CRAMP1: variants seen among roughly 807,000 people sequenced by gnomAD.
CRAMP1 encodes cramped chromatin regulator 1, also known as protein cramped-like.
Under a neutral mutation model 115.4 loss-of-function variants are expected in CRAMP1, and 50 were observed. The ratio of observed to expected loss-of-function variants is 0.43; its 90% CI spans 0.35 to 0.55. CRAMP1 has a LOEUF of 0.55. Ranked by LOEUF, CRAMP1 falls within the 20% of genes least tolerant of loss-of-function variation. CRAMP1 has a pLI of 0.01. For synonymous variants in CRAMP1, 866 were observed against 745.4 expected (o/e 1.16, Z -2.64); for missense variants, 1,679 against 1,721.7 (o/e 0.98, Z 0.44).
intron 7 of CRAMP1, 37 bp downstream of exon 7, chr16:1,652,618 G>GC: frequency 6.6e-7 from 1 of 1,526,580 alleles, no homozygotes; most frequent in Non-Finnish European, 8.9e-7. Flanking sequence ...CAGAGGCGGT[G>GC]CCCATGGTGT....
rs2036931726 is a variant in CRAMP1, at chr16:1,672,687, T to G, written c.3646-1194T>G. On this transcript the variant is annotated intron_variant, in intron 20 of 20. Coordinates refer to ENST00000397412, the MANE Select transcript of CRAMP1 (RefSeq NM_020825.4). The surrounding 1 kb of genome is among the most constrained non-coding windows in gnomAD (Gnocchi z 4.9). ...TGTCATGCAGTTCATTAAGGGATAT[T>G]TCTGCAGGGTCTGCTGTGTGCAAAC... is the stretch of plus-strand genomic sequence containing the variant. 6.6e-6 allele frequency among the ~76,000 whole-genome samples: 1 copy of G among 152,216 alleles called. No homozygotes were observed. The highest frequency in any genetic ancestry group is 2.4e-5 in the African/African-American group (1 of 41,454).
chr16:1,642,649 C>A (rs1348101309), intron 6 of CRAMP1, among the ~76,000 whole-genome samples: 1 of 152,250 alleles, frequency 6.6e-6, no homozygotes, highest in East Asian at 1.9e-4. Context: ...ATTGGAGGAA[C>A]CGTCTTGAGA....
In CRAMP1 at chr16:1,637,806, T is replaced by G. The variant is rs2036600700; in HGVS notation, c.695-18T>G. On this transcript the variant is annotated intron_variant, in intron 4 of 20. Coordinates refer to ENST00000397412, the MANE Select transcript of CRAMP1 (RefSeq NM_020825.4). ...TCCTGTTCCCCTCTCTAAAGCCGCC[T>G]TCTCTTCTGTTTCTCAGTGTTCTCT... The G allele has an allele frequency of 7.0e-7, 1 of 1,435,186 alleles. No individual in the cohort carries two copies. Among genetic ancestry groups the G allele is most frequent in the South Asian group, 1.4e-5 (1 of 70,778 alleles). 88.9% of individuals were successfully genotyped at this position (1,435,186 alleles called of 1,614,324 possible).
intron 5 of CRAMP1, among the ~76,000 whole-genome samples, chr16:1,639,870 T>C (rs892432582): frequency 3.3e-5 from 5 of 152,216 alleles, no homozygotes; most frequent in Non-Finnish European, 5.9e-5. Flanking sequence ...TGAATTGGCC[T>C]TAGGTTCCCT....
chr16:1,625,756 A>G, intron 2 of CRAMP1: 1 of 494,620 alleles, frequency 2.0e-6, no homozygotes, highest in Non-Finnish European at 3.6e-6. Context: ...TTCTAACTGT[A>G]AAAACATTTG....
chr16:1,615,654 G>A (rs1467163098), intron 2 of CRAMP1, among the ~76,000 whole-genome samples: 2 of 152,206 alleles, frequency 1.3e-5, no homozygotes, highest in Non-Finnish European at 2.9e-5. Flanking sequence ...TACTTAGCTG[G>A]GGTCTCTTAC....
intron 2 of CRAMP1, among the ~76,000 whole-genome samples, chr16:1,625,422 G>T (rs924451878): frequency 2.6e-5 from 4 of 152,008 alleles, no homozygotes; most frequent in African/African-American, 9.7e-5. Context: ...ACGTTTTTTT[G>T]GTGGACATTG....
Position 1,614,229 on chromosome 16 carries a change from C to G in CRAMP1, c.-1-410C>G, listed in dbSNP as rs1236620968. Among the ~76,000 whole-genome samples the G allele has an allele frequency of 6.8e-6, 1 of 146,180 alleles. No individual in the cohort carries two copies. The highest frequency in any genetic ancestry group is 1.5e-5 in the Non-Finnish European group (1 of 65,822). ...GCCAGGCCATGAGCCGCGGCCCCGC[C>G]GGGTAGGTGGCTGTGGGCGGGGCAG... On this transcript the variant is annotated intron_variant, in intron 1 of 20. Transcript: ENST00000397412. This position sits in a 1 kb window ranked among gnomAD's most constrained non-coding sequence, Gnocchi z 4.4.
rs1596496707 is a variant in CRAMP1, at chr16:1,662,584, C to T, written c.2508C>T (p.Thr836=). 1.2e-6 allele frequency: 2 copies of T among 1,614,012 alleles called. No individual in the cohort carries two copies. The highest frequency in any genetic ancestry group is 2.7e-5 in the African/African-American group (2 of 75,050). ...SDGGLFAVPT[T]LPPNSRHGKL... is the part of the protein sequence containing the mutation. ...GAGGCCTTTTTGCTGTCCCGACAACCTTGCCACCCAACAGCCGACACGGGA... is the reference window on the plus strand; with the variant it reads ...GAGGCCTTTTTGCTGTCCCGACAACTTTGCCACCCAACAGCCGACACGGGA... Residue 836 remains threonine (T), a synonymous_variant, in exon 12 of 21, where the codon ACC becomes ACT. Coordinates refer to ENST00000397412, the MANE Select transcript of CRAMP1 (RefSeq NM_020825.4).
chr16:1,655,329 C>T (rs1596493585), intron 9 of CRAMP1, 29 bp downstream of exon 9: 1 of 1,575,390 alleles, frequency 6.3e-7, no homozygotes, highest in Non-Finnish European at 8.7e-7. Flanking sequence ...AGCAAACCAT[C>T]CAGGCTGCGC....
At chr16:1,634,996 T>C (rs930638751) in intron 4 of CRAMP1, among the ~76,000 whole-genome samples, 1 of 152,162 alleles carries the variant, frequency 6.6e-6, no homozygotes, top group Non-Finnish European at 1.5e-5. Context: ...TCTCCCAGTT[T>C]CAAGCGATTC....
intron 11 of CRAMP1, among the ~76,000 whole-genome samples, chr16:1,661,237 A>G (rs562878038): frequency 6.1e-4 from 93 of 152,222 alleles, no homozygotes; most frequent in South Asian, 8.3e-4. Context: ...TGGGAGGATC[A>G]CTTGAACCCA....
intron 3 of CRAMP1, among the ~76,000 whole-genome samples, chr16:1,631,540 C>T (rs1033166812): frequency 1.3e-5 from 2 of 152,178 alleles, no homozygotes; most frequent in South Asian, 2.1e-4. Flanking sequence ...TGAGCCCTTC[C>T]AGTACTTAGG....
chr16:1,630,656 C>CCGCACTCGGCTGCCCAAACTCCCCG (rs1485357024), intron 3 of CRAMP1, among the ~76,000 whole-genome samples: 1 of 152,198 alleles, frequency 6.6e-6, no homozygotes, highest in Admixed American at 6.5e-5. Context: ...GGACGCTGCG[C>CCGCACTCGGCTGCCCAAACTCCCCG]CGCACTCGGC....
Position 1,653,005 on chromosome 16 carries a change from A to G in CRAMP1, c.914-28A>G, listed in dbSNP as rs773086886. On this transcript the variant is annotated intron_variant, in intron 7 of 20. Coordinates refer to ENST00000397412, the MANE Select transcript of CRAMP1 (RefSeq NM_020825.4). ...TTCTACCTTAAGGTTGGGCTGCACTAAACTTTCATGGTTCTTCTGCATTGC... is the reference window on the plus strand; with the variant it reads ...TTCTACCTTAAGGTTGGGCTGCACTGAACTTTCATGGTTCTTCTGCATTGC... 3 of 1,613,252 alleles carry G rather than the reference A, an allele frequency of 1.9e-6. No individual in the cohort carries two copies. The East Asian group carries it at 6.7e-5, about 36-fold the overall frequency.
chr16:1,670,852 C>T (rs771709650), intron 20 of CRAMP1, 43 bp downstream of exon 20: 33 of 1,602,784 alleles, frequency 2.1e-5, no homozygotes, highest in Non-Finnish European at 2.8e-5. Context: ...CACCAACCCT[C>T]GTGCCAGAGG....
chr16:1,614,894 C>G lies in CRAMP1; in HGVS notation c.255C>G (p.Ser85=). The change falls in exon 2 of 21, where the codon TCC becomes TCG. Residue 85 remains serine (S), a synonymous_variant. Transcript: ENST00000397412. This position sits in a 1 kb window ranked among gnomAD's most constrained non-coding sequence, Gnocchi z 4.4. The part of the protein sequence containing the change: ...SPQDQHHFLR[S]SVRPQSKRPR... ...AGGACCAGCACCACTTCCTCCGGTC[C>G]AGCGTGCGGCCGCAGAGCAAGAGGC... 7.5e-7 allele frequency: 1 copy of G among 1,327,222 alleles called. No homozygotes were observed. The highest frequency in any genetic ancestry group is 9.6e-7 in the Non-Finnish European group (1 of 1,037,472). The allele number at this position is 1,327,222 out of a possible 1,614,324, so 82.2% of individuals were successfully genotyped here. A position where few individuals can be genotyped will look rare whatever the true frequency, so the allele number is the denominator to read the frequency against.
At chr16:1,613,718 C>T (rs1002203835) in intron 1 of CRAMP1, among the ~76,000 whole-genome samples, 6 of 152,174 alleles carry the variant, frequency 3.9e-5, no homozygotes, top group African/African-American at 1.4e-4. Context: ...TTAATTGTTG[C>T]CAAGAGTTTT....
intron 6 of CRAMP1, among the ~76,000 whole-genome samples, chr16:1,647,506 C>T (rs948051626): frequency 2.0e-5 from 3 of 152,010 alleles, no homozygotes; most frequent in Admixed American, 1.3e-4. Flanking sequence ...TTTGGGAGGC[C>T]GAGGCGGGTG....
Sources: gnomAD v4.1 joint callset for allele counts (sites outside exome capture counted in the v4.1 genomes callset) on GRCh38, gnomAD v4.1.1 for gene constraint, Gnocchi (gnomAD v3.1) non-coding constraint, MANE v1.5 for transcripts, NCBI Gene and HGNC (gene_info 2026-07-23, HGNC 2026-07-21) for gene names.